Variants in COL12A1 observed in about 807,000 individuals in gnomAD.
COL12A1 encodes collagen type XII alpha 1 chain.
In COL12A1, 114 loss-of-function variants were observed where a neutral mutation model predicts 349.7. That is an observed-to-expected ratio of 0.33 (90% CI 0.28 to 0.38). The LOEUF (loss-of-function observed/expected upper bound fraction) is 0.38. Ranked by LOEUF, COL12A1 falls within the 10% of genes least tolerant of loss-of-function variation. The pLI is 1.00. For missense variants in COL12A1, 3,284 were observed against 3,756.9 expected, an observed-to-expected ratio of 0.87 and a Z score of 3.29; for synonymous variants, 1,369 against 1,329.0, an observed-to-expected ratio of 1.03 and a Z score of -0.66.
At chr6:75,171,252 C>T (rs1768618204) in intron 13 of COL12A1, among the ~76,000 whole-genome samples, 1 of 152,180 alleles carries the variant, frequency 6.6e-6, no homozygotes, top group African/African-American at 2.4e-5. Context: ...ATGATGTATG[C>T]TCACATTCCT....
At chr6:75,174,370 C>T (rs532441205) in intron 13 of COL12A1, among the ~76,000 whole-genome samples, 6 of 152,118 alleles carry the variant, frequency 3.9e-5, no homozygotes, top group Non-Finnish European at 8.8e-5. Context: ...TCCTGGCTAA[C>T]ATGGTGAAAC....
chr6:75,182,953 T>C lies in COL12A1; in HGVS notation c.1891+97A>G, dbSNP rs1769391736. ...AACATAGGAAAGTTACTTTTTCGTG[T>C]CTATAAGAAGAATTGAACAAGCATA... is the stretch of plus-strand genomic sequence containing the variant. On this transcript the variant is annotated intron_variant, in intron 10 of 65. Coordinates refer to ENST00000322507, the MANE Select transcript of COL12A1 (RefSeq NM_004370.6). 3 of 1,413,834 alleles carry C rather than the reference T, an allele frequency of 2.1e-6. No homozygotes were observed. In the African/African-American group the frequency reaches 4.3e-5, roughly 20 times the overall value. 87.6% of individuals were successfully genotyped at this position (1,413,834 alleles called of 1,614,324 possible). A position where few individuals can be genotyped will look rare whatever the true frequency, so the allele number is the denominator to read the frequency against.
chr6:75,188,302 T>A, intron 8 of COL12A1, 60 bp downstream of exon 8: 1 of 1,495,862 alleles, frequency 6.7e-7, no homozygotes, highest in Non-Finnish European at 9.0e-7. Flanking sequence ...CTAAGATAAC[T>A]ATAAATACTC....
At position 75,102,643 on chromosome 6, in the gene COL12A1, G is replaced by A. The variant is rs755342579; in HGVS notation, c.8369C>T (p.Pro2790Leu). The A allele has an allele frequency of 7.0e-6, 11 of 1,572,280 alleles. No homozygotes were observed. In the South Asian group the frequency reaches 7.1e-5, roughly 10 times the overall value. ...GDIGPPGPQG[P>L]PGPQGPNGLS... is the part of the protein sequence containing the mutation. ...TCCATTGGGTCCCTGAGGGCCTGGAGGACCCTGGGGGCCTGGAGGACCTAT... is the reference window on the plus strand; with the variant it reads ...TCCATTGGGTCCCTGAGGGCCTGGAAGACCCTGGGGGCCTGGAGGACCTAT... Residue 2790 changes from proline to leucine, a missense_variant, in exon 56 of 66, where the codon CCT becomes CTT. By Grantham distance (98) the Pro-to-Leu change is moderately conservative. Transcript: ENST00000322507.
intron 58 of COL12A1, among the ~76,000 whole-genome samples, chr6:75,098,584 G>A (rs771054680): frequency 6.6e-6 from 1 of 152,100 alleles, no homozygotes; most frequent in East Asian, 1.9e-4. Flanking sequence ...ACTTGAGCCC[G>A]AGAGGTCAGG....
intron 27 of COL12A1, among the ~76,000 whole-genome samples, chr6:75,139,675 C>T (rs746152105): frequency 1.3e-5 from 2 of 152,152 alleles, no homozygotes; most frequent in Admixed American, 6.5e-5. Flanking sequence ...GAGCATGTTA[C>T]GATCCAGGTA....
At position 75,102,607 on chromosome 6, in the gene COL12A1, G is replaced by C; in HGVS notation, c.8405C>G (p.Pro2802Arg). 6.5e-7 allele frequency: 1 copy of C among 1,548,174 alleles called. No homozygotes were observed. Among genetic ancestry groups the C allele is most frequent in the Non-Finnish European group, 8.7e-7 (1 of 1,149,114 alleles). ...AGGCTTTGTGCTTACTTGCTCTCCC[G>C]GAATAGAGAGTCCATTGGGTCCCTG... ...GPQGPNGLSI[P>R]GEQGRQGMKG... The change falls in exon 56 of 66, where the codon CCG becomes CGG. Residue 2802 changes from proline to arginine, a missense_variant. Transcript: ENST00000322507.
chr6:75,088,084 T>C (rs3818138), intron 64 of COL12A1, among the ~76,000 whole-genome samples: 17,383 of 152,176 alleles, frequency 0.11, 2,251 homozygotes, highest in African/African-American at 0.31. Flanking sequence ...GTTAAGCAGC[T>C]ACATTGAGCT....
At position 75,134,768 on chromosome 6, in the gene COL12A1, G is replaced by T; in HGVS notation, c.5482C>A (p.Pro1828Thr). Residue 1828 changes from proline (P) to threonine (T), a missense_variant, in exon 32 of 66, where the codon CCT becomes ACT. By Grantham distance (38) the Pro-to-Thr change is conservative (BLOSUM62 -1). Transcript: ENST00000322507. The stretch of plus-strand genomic sequence containing the variant: ...GTCATCCGACCTCCTTCACCATCAG[G>T]ATACAGAGAGGATACGGTGATAGTG... The part of the protein sequence containing the change: ...PYTITVSSLY[P>T]DGEGGRMTGR... 2 of 1,612,270 alleles carry T rather than the reference G, an allele frequency of 1.2e-6. No individual in the cohort carries two copies. Among genetic ancestry groups the T allele is most frequent in the Non-Finnish European group, 8.5e-7 (1 of 1,178,796 alleles).
At chr6:75,167,937 A>C (rs985169916) in intron 13 of COL12A1, among the ~76,000 whole-genome samples, 1 of 152,200 alleles carries the variant, frequency 6.6e-6, no homozygotes, top group African/African-American at 2.4e-5. Flanking sequence ...TTAAGCTCTA[A>C]TTAATGGCAT....
chr6:75,112,520 A>G lies in COL12A1; in HGVS notation c.7950+684T>C, dbSNP rs562156705. On this transcript the variant is annotated intron_variant, in intron 51 of 65. Transcript: ENST00000322507. ...TGTCCTTTAGAAACCTGAAAAAAAA[A>G]GTTTCTACTATCTGCTGGATGTTGA... Among the ~76,000 whole-genome samples, 5 of 151,720 alleles carry G rather than the reference A, an allele frequency of 3.3e-5. No homozygotes were observed. The South Asian group carries it at 8.3e-4, about 25-fold the overall frequency.
rs1227329126 is a variant in COL12A1 at position 75,102,703 on chromosome 6, C to A, written c.8320-11G>T. ...AGGACCAGGGGGCCCCTAAAATACA[C>A]AAGAGAGAGACAACCACAAAGTAAT... is the stretch of plus-strand genomic sequence containing the variant. On this transcript the variant is annotated splice_polypyrimidine_tract_variant and intron_variant, in intron 55 of 65. Coordinates refer to ENST00000322507, the MANE Select transcript of COL12A1 (RefSeq NM_004370.6). 2.0e-6 allele frequency: 3 copies of A among 1,522,116 alleles called. No homozygotes were observed. Among genetic ancestry groups the A allele is most frequent in the Non-Finnish European group, 2.6e-6 (3 of 1,138,100 alleles). The allele number at this position is 1,522,116 out of a possible 1,614,324, so 94.3% of individuals were successfully genotyped here.
chr6:75,152,014 T>C lies in COL12A1; in HGVS notation c.3853A>G (p.Ile1285Val). 1 of 1,613,872 alleles carries C rather than the reference T, an allele frequency of 6.2e-7. No individual in the cohort carries two copies. Among genetic ancestry groups the C allele is most frequent in the Non-Finnish European group, 8.5e-7 (1 of 1,179,804 alleles). The stretch of plus-strand genomic sequence containing the variant: ...TGGGTCCTGAAGTTCTGTTGGCGAA[T>C]GAAATTCAAAGCCATGCCTAGTGGG... ...NTLTGMALNFIRQQNFRTQAG... is the reference protein window; with the variant it reads ...NTLTGMALNFVRQQNFRTQAG... Residue 1285 changes from isoleucine (I) to valine (V), a missense_variant, in exon 20 of 66, where the codon ATT becomes GTT. Coordinates refer to ENST00000322507, the MANE Select transcript of COL12A1 (RefSeq NM_004370.6).
chr6:75,134,950 A>G (rs1218171375), intron 31 of COL12A1, 95 bp from the exon 32 acceptor site: 9 of 1,335,946 alleles, frequency 6.7e-6, no homozygotes, highest in African/African-American at 1.5e-5. Context: ...GCTGTTTGAG[A>G]CCCTTGTCAA....
At chr6:75,108,751 T>C (rs970806321) in intron 52 of COL12A1, among the ~76,000 whole-genome samples, 1 of 152,220 alleles carries the variant, frequency 6.6e-6, no homozygotes, top group Admixed American at 6.5e-5. Flanking sequence ...GTTCTCCAAT[T>C]TGATCCTGTT....
rs551749507 is a variant in COL12A1 at position 75,125,442 on chromosome 6, T to C, written c.6461-169A>G. Among the ~76,000 whole-genome samples, 7 of 152,294 alleles carry C rather than the reference T, an allele frequency of 4.6e-5. 2 individuals are homozygous for C. Among genetic ancestry groups the C allele is most frequent in the African/African-American group, 1.7e-4 (7 of 41,586 alleles). ...CTATGTTATATGACAAATATGAAAC[T>C]GTAAGCAGACACTGAATCCTTCACC... On this transcript the variant is annotated intron_variant, in intron 39 of 65. Transcript: ENST00000322507.
At chr6:75,152,829 G>A (rs1029142380) in intron 17 of COL12A1, among the ~76,000 whole-genome samples, 2 of 152,034 alleles carry the variant, frequency 1.3e-5, no homozygotes, top group Non-Finnish European at 1.5e-5. Flanking sequence ...ATAAATAAAT[G>A]AGAATGTATA....
intron 2 of COL12A1, among the ~76,000 whole-genome samples, chr6:75,196,897 C>T (rs1562324191): frequency 6.6e-6 from 1 of 152,130 alleles, no homozygotes; most frequent in Non-Finnish European, 1.5e-5. Context: ...ATCCAAATGA[C>T]CAGGATTCCA....
At chr6:75,159,824 T>C (rs1433968383) in intron 14 of COL12A1, among the ~76,000 whole-genome samples, 2 of 151,706 alleles carry the variant, frequency 1.3e-5, no homozygotes, top group Non-Finnish European at 2.9e-5. Flanking sequence ...TGCCAAGCTT[T>C]AAAATGTTTA....
Sources: gnomAD v4.1 joint callset for allele counts (sites outside exome capture counted in the v4.1 genomes callset) on GRCh38, gnomAD v4.1.1 for gene constraint, MANE v1.5 for transcripts, NCBI Gene and HGNC (gene_info 2026-07-23, HGNC 2026-07-21) for gene names.